PCNX1: variants seen among roughly 807,000 people sequenced by gnomAD.
PCNX1 encodes pecanex 1.
Under a neutral mutation model 242.2 loss-of-function variants are expected in PCNX1, and 78 were observed. That is an observed-to-expected ratio of 0.32 (90% CI 0.27 to 0.39). PCNX1 has a LOEUF of 0.39. PCNX1 is among the 10% of genes least tolerant of loss of function. The probability of loss-of-function intolerance (pLI) is 1.00; values close to 1 mark genes in which losing one functional copy is unlikely to be tolerated. For synonymous variants in PCNX1, 1,024 were observed against 1,032.9 expected, an observed-to-expected ratio of 0.99 and a Z score of 0.17; for missense variants, 2,581 against 2,856.5, an observed-to-expected ratio of 0.90 and a Z score of 2.20.
intron 3 of PCNX1, among the ~76,000 whole-genome samples, chr14:70,966,325 G>A (rs1003903897): frequency 1.3e-5 from 2 of 152,200 alleles, no homozygotes; most frequent in African/African-American, 4.8e-5. Flanking sequence ...GGAGGTGATT[G>A]TGTGGCATTT....
intron 8 of PCNX1, among the ~76,000 whole-genome samples, chr14:71,006,097 G>C (rs1950431580): frequency 9.4e-6 from 1 of 106,916 alleles, no homozygotes; most frequent in Non-Finnish European, 2.0e-5. Context: ...TAGTACGTGT[G>C]TGTGTCTGTG....
At chr14:70,940,309 T>C (rs1320336990) in intron 1 of PCNX1, among the ~76,000 whole-genome samples, 2 of 152,220 alleles carry the variant, frequency 1.3e-5, no homozygotes, top group African/African-American at 4.8e-5. Context: ...TCAGGAGCTC[T>C]TGTAAGGCAG....
intron 30 of PCNX1, among the ~76,000 whole-genome samples, chr14:71,091,423 T>A (rs1242074432): frequency 6.6e-6 from 1 of 152,202 alleles, no homozygotes; most frequent in Non-Finnish European, 1.5e-5. Context: ...ACAACAGAAT[T>A]AAAGTACAAT....
At chr14:71,098,553 T>TGTGTGTGTGTGAGAGA (rs60367565) in intron 30 of PCNX1, among the ~76,000 whole-genome samples, 1 of 125,668 alleles carries the variant, frequency 8.0e-6, no homozygotes, top group East Asian at 2.4e-4. Flanking sequence ...TGTGTGTGTG[T>TGTGTGTGTGTGAGAGA]GAGAGAGAGA....
chr14:70,910,229 T>TCCTCCTCCTC (rs1375541677), intron 1 of PCNX1, among the ~76,000 whole-genome samples: 1 of 69,488 alleles, frequency 1.4e-5, no homozygotes, highest in Non-Finnish European at 3.2e-5. Flanking sequence ...CTCCTCCTCC[T>TCCTCCTCCTC]CTCACCAGCA....
chr14:70,909,033 G>A (rs2055707046), intron 1 of PCNX1, among the ~76,000 whole-genome samples: 1 of 152,182 alleles, frequency 6.6e-6, no homozygotes, highest in Non-Finnish European at 1.5e-5. Context: ...TCCTTTGAAT[G>A]TATTTCTGCT....
Position 71,103,649 on chromosome 14 carries a change from C to T in PCNX1, c.6075C>T (p.Phe2025=), listed in dbSNP as rs113361961. 1.1e-3 allele frequency: 1,806 copies of T among 1,614,054 alleles called. 3 individuals are homozygous for T. The highest frequency in any genetic ancestry group is 1.5e-3 in the Middle Eastern group (9 of 6,062). The change falls in exon 32 of 36, where the codon TTC becomes TTT. Residue 2025 remains phenylalanine (F), a synonymous_variant. Transcript: ENST00000304743. ...TCAGCTTGGGAAATATCAGGAACTT[C>T]ATAGTGTCAACCTGGCACAGGTGAG... is the stretch of plus-strand genomic sequence containing the variant. ...GPISLGNIRN[F]IVSTWHRLRK...
chr14:70,946,435 A>G (rs529128375), intron 1 of PCNX1, among the ~76,000 whole-genome samples: 2 of 152,312 alleles, frequency 1.3e-5, no homozygotes, highest in South Asian at 2.1e-4. Context: ...TTTGTTCTCC[A>G]ATTGTATGAT....
At chr14:70,930,227 C>G (rs559185705) in intron 1 of PCNX1, among the ~76,000 whole-genome samples, 114 of 152,168 alleles carry the variant, frequency 7.5e-4, no homozygotes, top group African/African-American at 2.6e-3. Flanking sequence ...GACACTGCAG[C>G]CTTGAACTTT....
Position 70,978,093 on chromosome 14 carries a change from G to T in PCNX1, c.1756G>T (p.Val586Phe), listed in dbSNP as rs1210025777. Residue 586 changes from valine (V) to phenylalanine (F), a missense_variant, in exon 6 of 36, where the codon GTT (valine) becomes TTT (phenylalanine). Val to Phe is a conservative substitution (Grantham distance 50). This residue lies in a region of PCNX1 where 1,204 missense variants were observed against 1,216.7 expected (regional missense o/e 0.99). Coordinates refer to ENST00000304743, the MANE Select transcript of PCNX1 (RefSeq NM_014982.3). ...TAGGGACTATGTTTGCTTTCGAGGTGTTTCTGGTACCAAGCCACACAGTGC... is the reference window on the plus strand; with the variant it reads ...TAGGGACTATGTTTGCTTTCGAGGTTTTTCTGGTACCAAGCCACACAGTGC... The part of the protein sequence containing the change: ...RHRDYVCFRG[V>F]SGTKPHSAIF... The T allele has an allele frequency of 6.2e-7, 1 of 1,614,132 alleles. No individual in the cohort carries two copies. The highest frequency in any genetic ancestry group is 8.5e-7 in the Non-Finnish European group (1 of 1,180,040).
chr14:70,920,530 T>A (rs931060957), intron 1 of PCNX1, among the ~76,000 whole-genome samples: 13 of 152,208 alleles, frequency 8.5e-5, no homozygotes, highest in Non-Finnish European at 8.8e-5. Context: ...ATTCTGAATA[T>A]TTTTGAATAA....
At chr14:71,001,157 C>CAGTT (rs1555358822) in intron 8 of PCNX1, among the ~76,000 whole-genome samples, 2 of 97,946 alleles carry the variant, frequency 2.0e-5, no homozygotes, top group Non-Finnish European at 1.9e-5. Flanking sequence ...ATTATTTAAT[C>CAGTT]AATTAACCCC....
At chr14:71,098,616 A>G (rs2062374396) in intron 30 of PCNX1, among the ~76,000 whole-genome samples, 1 of 151,496 alleles carries the variant, frequency 6.6e-6, no homozygotes, top group Non-Finnish European at 1.5e-5. Flanking sequence ...CGGCTTGAAT[A>G]TTATTGGTTA....
chr14:70,990,431 G>A (rs961711542), intron 7 of PCNX1, among the ~76,000 whole-genome samples: 9 of 151,824 alleles, frequency 5.9e-5, no homozygotes, highest in Non-Finnish European at 1.2e-4. Context: ...GGGCCTGGTG[G>A]TACGCACCTG....
chr14:70,956,471 A>T (rs548477714), intron 2 of PCNX1, among the ~76,000 whole-genome samples: 171 of 152,182 alleles, frequency 1.1e-3, no homozygotes, highest in African/African-American at 4.0e-3. Flanking sequence ...AGGTGGGAGG[A>T]TCACTTGAGC....
At chr14:71,009,945 A>G (rs1224824016) in intron 9 of PCNX1, 2 of 370,010 alleles carry the variant, frequency 5.4e-6, no homozygotes, top group East Asian at 4.0e-5. Flanking sequence ...ATTATCTCAC[A>G]TACTTATAAT....
chr14:71,093,162 T>C (rs2062180511), intron 30 of PCNX1: 1 of 152,134 alleles, frequency 6.6e-6, no homozygotes, highest in Non-Finnish European at 1.5e-5. Context: ...TCTAGAAAGA[T>C]TACACCATTG....
chr14:71,085,410 T>G (rs1024586834), intron 28 of PCNX1: 1 of 152,234 alleles, frequency 6.6e-6, no homozygotes, highest in African/African-American at 2.4e-5. Context: ...ATTAAAGACA[T>G]GCTTTATTAA....
intron 2 of PCNX1, among the ~76,000 whole-genome samples, chr14:70,955,618 C>T (rs2057962508): frequency 6.6e-6 from 1 of 152,010 alleles, no homozygotes; most frequent in African/African-American, 2.4e-5. Flanking sequence ...TAGATATTAC[C>T]TGAATTTGTT....
Sources: gnomAD v4.1 joint callset for allele counts (sites outside exome capture counted in the v4.1 genomes callset) on GRCh38, gnomAD v4.1.1 for gene constraint, gnomAD v4.1.1 regional missense constraint, MANE v1.5 for transcripts, NCBI Gene and HGNC (gene_info 2026-07-23, HGNC 2026-07-21) for gene names.